ERBB4: variants seen among roughly 807,000 people sequenced by gnomAD.
ERBB4 encodes erb-b2 receptor tyrosine kinase 4.
A neutral mutation model predicts 158.0 loss-of-function variants in ERBB4; 42 were observed. That is an observed-to-expected ratio of 0.27 (90% CI 0.21 to 0.34). ERBB4 has a LOEUF of 0.34. Ranked by LOEUF, ERBB4 falls within the 10% of genes least tolerant of loss-of-function variation. The probability of loss-of-function intolerance (pLI) is 1.00; values close to 1 mark genes in which losing one functional copy is unlikely to be tolerated. For synonymous variants in ERBB4, 583 were observed against 558.7 expected (o/e 1.04, Z -0.61); for missense variants, 1,333 against 1,624.1 (o/e 0.82, Z 3.08).
At chr2:212,507,867 G>C (rs1691282673) in intron 1 of ERBB4, among the ~76,000 whole-genome samples, 1 of 152,156 alleles carries the variant, frequency 6.6e-6, no homozygotes, top group Non-Finnish European at 1.5e-5. Flanking sequence ...TGAAATAATT[G>C]ATTCCAACTT....
chr2:211,577,033 T>C (rs2067913250), intron 19 of ERBB4, among the ~76,000 whole-genome samples: 1 of 152,178 alleles, frequency 6.6e-6, no homozygotes, highest in South Asian at 2.1e-4. Flanking sequence ...AACCTCAATC[T>C]GAGGTTACTC....
intron 1 of ERBB4, among the ~76,000 whole-genome samples, chr2:212,249,575 T>C (rs2084451602): frequency 6.6e-6 from 1 of 151,734 alleles, no homozygotes; most frequent in Non-Finnish European, 1.5e-5. Context: ...GGGAGAAAAG[T>C]TTATTAAAAA....
intron 1 of ERBB4, among the ~76,000 whole-genome samples, chr2:212,197,975 G>A (rs1262878155): frequency 6.6e-6 from 1 of 152,070 alleles, no homozygotes; most frequent in Admixed American, 6.6e-5. Flanking sequence ...CAAACTATGA[G>A]GCTGCTAAAT....
At chr2:211,866,538 T>C (rs907640901) in intron 3 of ERBB4, among the ~76,000 whole-genome samples, 5 of 152,184 alleles carry the variant, frequency 3.3e-5, no homozygotes, top group African/African-American at 1.2e-4. Context: ...GCTAAGTTTC[T>C]TGATAATGCA....
rs368446016 is a variant in ERBB4 at position 212,024,511 on chromosome 2, T to C, written c.235-76895A>G. 2.6e-3 allele frequency among the ~76,000 whole-genome samples: 389 copies of C among 152,104 alleles called. 1 individual carries two copies. The highest frequency in any genetic ancestry group is 9.0e-3 in the African/African-American group (373 of 41,560). ...TAAGACAGAAACAGGCTCAAGTTGT[T>C]CCTTAGATCTCCATACTTCTTAGAA... On this transcript the variant is annotated intron_variant, in intron 2 of 27. Coordinates refer to ENST00000342788, the MANE Select transcript of ERBB4 (RefSeq NM_005235.3).
At chr2:211,835,674 A>T (rs1421986345) in intron 3 of ERBB4, among the ~76,000 whole-genome samples, 2 of 152,086 alleles carry the variant, frequency 1.3e-5, no homozygotes, top group Non-Finnish European at 2.9e-5. Flanking sequence ...CAGTCTTTGA[A>T]TTCCTATGTC....
At chr2:212,311,697 G>A (rs573758795) in intron 1 of ERBB4, among the ~76,000 whole-genome samples, 1 of 150,902 alleles carries the variant, frequency 6.6e-6, no homozygotes, top group Non-Finnish European at 1.5e-5. Context: ...GGACCATTTT[G>A]CAGAATATAT....
intron 1 of ERBB4, among the ~76,000 whole-genome samples, chr2:212,355,095 C>A (rs967048028): frequency 6.6e-6 from 1 of 151,922 alleles, no homozygotes; most frequent in Non-Finnish European, 1.5e-5. Context: ...TAAAATGTGA[C>A]CAGTCAGTAT....
chr2:211,757,609 T>C (rs2106230280), intron 4 of ERBB4, among the ~76,000 whole-genome samples: 1 of 152,308 alleles, frequency 6.6e-6, no homozygotes, highest in East Asian at 1.9e-4. Flanking sequence ...TCTGCAGCGC[T>C]TCCATCTACC....
chr2:212,358,805 A>T (rs1480822990), intron 1 of ERBB4, among the ~76,000 whole-genome samples: 1 of 151,820 alleles, frequency 6.6e-6, no homozygotes, highest in Admixed American at 6.6e-5. Flanking sequence ...TCTTAGCAAT[A>T]ACTCACCAGC....
At chr2:211,607,297 CTAT>C (rs2069019914) in intron 19 of ERBB4, among the ~76,000 whole-genome samples, 1 of 152,122 alleles carries the variant, frequency 6.6e-6, no homozygotes, top group South Asian at 2.1e-4. Context: ...AGCATTTTTG[CTAT>C]TATTAGCTTG....
intron 1 of ERBB4, among the ~76,000 whole-genome samples, chr2:212,463,268 CAAAG>C (rs1425818529): frequency 1.3e-5 from 2 of 151,850 alleles, no homozygotes; most frequent in East Asian, 3.9e-4. Context: ...TTTCCCAACG[CAAAG>C]AAAGGGTAAA....
chr2:211,921,060 G>A (rs1395115208), intron 3 of ERBB4, among the ~76,000 whole-genome samples: 1 of 151,696 alleles, frequency 6.6e-6, no homozygotes, highest in African/African-American at 2.4e-5. Context: ...GTATAACACT[G>A]GATAAATAAC....
intron 1 of ERBB4, among the ~76,000 whole-genome samples, chr2:212,132,730 A>C (rs1358023690): frequency 6.6e-6 from 1 of 151,986 alleles, no homozygotes; most frequent in African/African-American, 2.4e-5. Flanking sequence ...CAGCCTCCAT[A>C]ATTGTGTGAG....
intron 1 of ERBB4, among the ~76,000 whole-genome samples, chr2:212,155,520 TG>T (rs2081009327): frequency 6.6e-6 from 1 of 152,098 alleles, no homozygotes; most frequent in Non-Finnish European, 1.5e-5. Context: ...CAGCATCTTC[TG>T]GGGGTGGAGG....
At chr2:211,619,108 T>G (rs1279843122) in intron 19 of ERBB4, 69 bp downstream of exon 19, 2 of 927,622 alleles carry the variant, frequency 2.2e-6, no homozygotes, top group Non-Finnish European at 3.6e-6. Flanking sequence ...GGTTTTGTTT[T>G]GCTTTAATTA....
intron 3 of ERBB4, among the ~76,000 whole-genome samples, chr2:211,795,960 A>G (rs2076374350): frequency 6.6e-6 from 1 of 151,950 alleles, no homozygotes; most frequent in Non-Finnish European, 1.5e-5. Context: ...CATCTTCTGG[A>G]TATTTATAAA....
At chr2:212,386,155 T>C (rs2090667010) in intron 1 of ERBB4, among the ~76,000 whole-genome samples, 1 of 151,966 alleles carries the variant, frequency 6.6e-6, no homozygotes, top group Non-Finnish European at 1.5e-5. Context: ...AAATACACTT[T>C]TTTGTATTTT....
intron 1 of ERBB4, among the ~76,000 whole-genome samples, chr2:212,380,888 G>A (rs1305969337): frequency 6.6e-6 from 1 of 151,064 alleles, no homozygotes; most frequent in Non-Finnish European, 1.5e-5. Context: ...GTTAAAGAAA[G>A]GCCCATTATT....
Sources: gnomAD v4.1 joint callset for allele counts (sites outside exome capture counted in the v4.1 genomes callset) on GRCh38, gnomAD v4.1.1 for gene constraint, MANE v1.5 for transcripts, NCBI Gene and HGNC (gene_info 2026-07-23, HGNC 2026-07-21) for gene names.